GRM7: variants seen among roughly 807,000 people sequenced by gnomAD.
GRM7 encodes the protein metabotropic glutamate receptor 7.
In GRM7, 35 loss-of-function variants were observed where a neutral mutation model predicts 84.5. The ratio of observed to expected loss-of-function variants is 0.41; its 90% CI spans 0.32 to 0.55. The LOEUF is 0.55. GRM7 is among the 20% of genes least tolerant of loss of function. GRM7 has a pLI of 0.19. For synonymous variants in GRM7, 487 were observed against 455.1 expected, an observed-to-expected ratio of 1.07 and a Z score of -0.89; for missense variants, 1,003 against 1,194.6, an observed-to-expected ratio of 0.84 and a Z score of 2.36.
At chr3:7,719,663 T>A (rs1219925600) in intron 9 of GRM7, among the ~76,000 whole-genome samples, 1 of 151,826 alleles carries the variant, frequency 6.6e-6, no homozygotes, top group Non-Finnish European at 1.5e-5. Flanking sequence ...GTGCAAAAAA[T>A]TAGCCTGGCG....
intron 8 of GRM7, among the ~76,000 whole-genome samples, chr3:7,603,863 C>G (rs1000815641): frequency 6.6e-6 from 1 of 151,946 alleles, no homozygotes; most frequent in Non-Finnish European, 1.5e-5. Flanking sequence ...ATGTTACAGC[C>G]AATTCAAAGG....
At chr3:6,892,361 C>A (rs1295706739) in intron 1 of GRM7, among the ~76,000 whole-genome samples, 1 of 148,578 alleles carries the variant, frequency 6.7e-6, no homozygotes, top group Admixed American at 6.7e-5. Flanking sequence ...TGCACATACA[C>A]TTAATTTTGC....
chr3:7,588,497 T>C (rs1695624638), intron 8 of GRM7, among the ~76,000 whole-genome samples: 2 of 152,230 alleles, frequency 1.3e-5, no homozygotes, highest in Admixed American at 1.3e-4. Context: ...AGGTATCTAA[T>C]TGCAGGTTTC....
chr3:7,683,078 C>T (rs1038899755), intron 9 of GRM7, among the ~76,000 whole-genome samples: 5 of 152,164 alleles, frequency 3.3e-5, no homozygotes, highest in African/African-American at 9.7e-5. Flanking sequence ...AATGGCATGT[C>T]GAAATTCCAA....
chr3:7,516,626 C>A (rs1700402746), intron 7 of GRM7, among the ~76,000 whole-genome samples: 1 of 151,954 alleles, frequency 6.6e-6, no homozygotes, highest in South Asian at 2.1e-4. Context: ...ACTGAAGGTC[C>A]TTGGTGAGCA....
chr3:7,422,316 C>T (rs1575313664), intron 5 of GRM7, among the ~76,000 whole-genome samples: 1 of 152,150 alleles, frequency 6.6e-6, no homozygotes, highest in Non-Finnish European at 1.5e-5. Flanking sequence ...TTTAGACCAG[C>T]GTTGACCAAT....
At chr3:6,951,429 A>G (rs2125069559) in intron 1 of GRM7, among the ~76,000 whole-genome samples, 1 of 152,256 alleles carries the variant, frequency 6.6e-6, no homozygotes, top group Non-Finnish European at 1.5e-5. Flanking sequence ...TAATGCTATA[A>G]ATTTCCCCTT....
chr3:6,894,696 C>T lies in GRM7; in HGVS notation c.519+32789C>T, dbSNP rs544147164. Among the ~76,000 whole-genome samples, 4 of 152,186 alleles carry T rather than the reference C, an allele frequency of 2.6e-5. No homozygotes were observed. The South Asian group carries it at 8.3e-4, about 32-fold the overall frequency. The stretch of plus-strand genomic sequence containing the variant: ...TTTTGTGGGGAAGATAGGATGTAAA[C>T]TGGGTAGGCTTCCAGCAGCTTTACT... On this transcript the variant is annotated intron_variant, in intron 1 of 9. Coordinates refer to ENST00000357716, the MANE Select transcript of GRM7 (RefSeq NM_000844.4).
rs1695354627 is a variant in GRM7 at position 7,011,123 on chromosome 3, T to C, written c.520-135329T>C. ...CTCTCACAGCCTTGGATCTCTTACC[T>C]GACAAAAATAATGGGGGACAGGGGA... On this transcript the variant is annotated intron_variant, in intron 1 of 9. Transcript: ENST00000357716. Among the ~76,000 whole-genome samples, 2 of 152,146 alleles carry C rather than the reference T, an allele frequency of 1.3e-5. 1 individual carries two copies. The highest frequency in any genetic ancestry group is 4.8e-5 in the African/African-American group (2 of 41,420).
At chr3:6,992,338 G>A (rs1378138895) in intron 1 of GRM7, among the ~76,000 whole-genome samples, 1 of 152,172 alleles carries the variant, frequency 6.6e-6, no homozygotes, top group Non-Finnish European at 1.5e-5. Flanking sequence ...ATCACTTACA[G>A]TCAAGTAGAA....
intron 8 of GRM7, among the ~76,000 whole-genome samples, chr3:7,586,043 A>G (rs1038165748): frequency 6.6e-6 from 1 of 152,146 alleles, no homozygotes; most frequent in Non-Finnish European, 1.5e-5. Flanking sequence ...ATCATTGTAC[A>G]TTCTGGATGT....
intron 2 of GRM7, among the ~76,000 whole-genome samples, chr3:7,222,909 G>C (rs779933316): frequency 6.6e-6 from 1 of 152,138 alleles, no homozygotes; most frequent in Non-Finnish European, 1.5e-5. Flanking sequence ...GACTGTGTAA[G>C]AATATTTATC....
At chr3:6,867,974 A>G (rs955068814) in intron 1 of GRM7, among the ~76,000 whole-genome samples, 3 of 152,234 alleles carry the variant, frequency 2.0e-5, no homozygotes, top group Non-Finnish European at 2.9e-5. Flanking sequence ...AAATATATGA[A>G]TTTCAATGAT....
At chr3:7,568,231 G>A (rs540577305) in intron 7 of GRM7, among the ~76,000 whole-genome samples, 52 of 152,248 alleles carry the variant, frequency 3.4e-4, no homozygotes, top group Middle Eastern at 3.4e-3. Flanking sequence ...TCTCAATAGT[G>A]CATCACAATA....
At chr3:7,149,923 G>A (rs1281021683) in intron 2 of GRM7, among the ~76,000 whole-genome samples, 3 of 152,298 alleles carry the variant, frequency 2.0e-5, no homozygotes, top group South Asian at 2.1e-4. Context: ...GATGTTATCT[G>A]CCTTGAGTTG....
At chr3:6,943,605 A>C in intron 1 of GRM7, among the ~76,000 whole-genome samples, 1 of 151,998 alleles carries the variant, frequency 6.6e-6, no homozygotes, top group Non-Finnish European at 1.5e-5. Flanking sequence ...GCCTTATAAC[A>C]CATATTGAAG....
intron 1 of GRM7, among the ~76,000 whole-genome samples, chr3:6,935,202 C>A: frequency 6.6e-6 from 1 of 152,116 alleles, no homozygotes; most frequent in South Asian, 2.1e-4. Flanking sequence ...TAAATGATTC[C>A]TTCTACTTGA....
At chr3:7,015,981 T>C (rs760994309) in intron 1 of GRM7, among the ~76,000 whole-genome samples, 8 of 152,156 alleles carry the variant, frequency 5.3e-5, no homozygotes, top group Non-Finnish European at 1.2e-4. Flanking sequence ...TTCTAAAGGA[T>C]TTTTTGATAT....
At position 7,716,801 on chromosome 3, in the gene GRM7, A is replaced by G. The variant is rs571511521; in HGVS notation, c.2699-23556A>G. Among the ~76,000 whole-genome samples, 46 of 152,340 alleles carry G rather than the reference A, an allele frequency of 3.0e-4. No individual in the cohort carries two copies. In the South Asian group the frequency reaches 4.6e-3, roughly 15 times the overall value. On this transcript the variant is annotated intron_variant, in intron 9 of 9. Transcript: ENST00000357716. Reference sequence around the variant, plus strand: ...AGCAGATTCATGCAAACCAATTCCAATAACATTTTGATTAAGTAGTGAGCA... The same window carrying G: ...AGCAGATTCATGCAAACCAATTCCAGTAACATTTTGATTAAGTAGTGAGCA...
Sources: gnomAD v4.1 joint callset for allele counts (sites outside exome capture counted in the v4.1 genomes callset) on GRCh38, gnomAD v4.1.1 for gene constraint, MANE v1.5 for transcripts, NCBI Gene and HGNC (gene_info 2026-07-23, HGNC 2026-07-21) for gene names.